The following RGS6 variants were observed in gnomAD, a reference collection of about 807,000 sequenced individuals.
RGS6 encodes regulator of G-protein signaling 6.
Under a neutral mutation model 78.5 loss-of-function variants are expected in RGS6, and 30 were observed. The ratio of observed to expected loss-of-function variants is 0.38; its 90% CI spans 0.29 to 0.52. The LOEUF is 0.52. Ranked by LOEUF, RGS6 falls within the 20% of genes least tolerant of loss-of-function variation. RGS6 has a pLI of 0.85. For missense variants in RGS6, 495 were observed against 609.7 expected, an observed-to-expected ratio of 0.81 and a Z score of 1.98; for synonymous variants, 206 against 206.0, an observed-to-expected ratio of 1.00 and a Z score of 0.00.
At chr14:72,033,368 G>A (rs1393176693) in intron 2 of RGS6, among the ~76,000 whole-genome samples, 1 of 151,980 alleles carries the variant, frequency 6.6e-6, no homozygotes, top group African/African-American at 2.4e-5. Flanking sequence ...CGAGTAGCTG[G>A]GACTACAGGC....
intron 2 of RGS6, among the ~76,000 whole-genome samples, chr14:72,071,727 CAG>C (rs1165196388): frequency 1.3e-5 from 2 of 152,118 alleles, no homozygotes; most frequent in African/African-American, 4.8e-5. Context: ...CTAGTAGACT[CAG>C]AATAGAAATT....
intron 2 of RGS6, among the ~76,000 whole-genome samples, chr14:72,228,727 T>A (rs1298081491): frequency 6.6e-6 from 1 of 152,034 alleles, no homozygotes; most frequent in East Asian, 1.9e-4. Context: ...GTGGGGAGAC[T>A]AGAAAGACAA....
chr14:71,892,257 G>A, the RGS6 span, among the ~76,000 whole-genome samples: 2 of 152,200 alleles, frequency 1.3e-5, no homozygotes, highest in Non-Finnish European at 1.5e-5. Flanking sequence ...GTGGCTCACC[G>A]CCTGAGAAAT....
chr14:72,142,220 G>A (rs1377138882), intron 2 of RGS6, among the ~76,000 whole-genome samples: 1 of 151,974 alleles, frequency 6.6e-6, no homozygotes, highest in Non-Finnish European at 1.5e-5. Flanking sequence ...GGATAGCACT[G>A]TAATTAATGG....
chr14:72,033,037 G>A (rs11626213), intron 2 of RGS6, among the ~76,000 whole-genome samples: 19,791 of 152,046 alleles, frequency 0.13, 1,343 homozygotes, highest in East Asian at 0.17. Context: ...GTGAAAATGC[G>A]TTCAATACAA....
intron 10 of RGS6, among the ~76,000 whole-genome samples, chr14:72,475,198 G>GT (rs1300877940): frequency 9.1e-5 from 11 of 120,260 alleles, no homozygotes; most frequent in African/African-American, 3.2e-4. Flanking sequence ...TCTTTTTTAT[G>GT]GTTTTTTTTT....
chr14:72,078,125 T>C (rs1486001691), intron 2 of RGS6, among the ~76,000 whole-genome samples: 15 of 152,180 alleles, frequency 9.9e-5, no homozygotes, highest in Non-Finnish European at 2.9e-5. Flanking sequence ...AGGCTTCTTA[T>C]GAATGGCTTA....
chr14:72,303,210 C>T (rs998098320), intron 2 of RGS6, among the ~76,000 whole-genome samples: 1 of 152,100 alleles, frequency 6.6e-6, no homozygotes, highest in African/African-American at 2.4e-5. Context: ...CTAAAAATAC[C>T]AACTTCCAGG....
At chr14:72,082,767 A>G (rs1377590207) in intron 2 of RGS6, among the ~76,000 whole-genome samples, 1 of 152,208 alleles carries the variant, frequency 6.6e-6, no homozygotes. Flanking sequence ...GGAAATAAGC[A>G]TATTTCACAG....
intron 2 of RGS6, among the ~76,000 whole-genome samples, chr14:72,327,385 T>TA (rs2074039270): frequency 6.6e-6 from 1 of 152,176 alleles, no homozygotes; most frequent in African/African-American, 2.4e-5. Context: ...TGTAATTGCT[T>TA]AGTAAATGCC....
At chr14:72,278,827 T>C (rs959256278) in intron 2 of RGS6, among the ~76,000 whole-genome samples, 6 of 152,074 alleles carry the variant, frequency 3.9e-5, no homozygotes, top group Middle Eastern at 3.2e-3. Context: ...AACACACATT[T>C]ATTCTCTCAT....
chr14:72,078,158 C>T (rs1355452968), intron 2 of RGS6, among the ~76,000 whole-genome samples: 1 of 152,142 alleles, frequency 6.6e-6, no homozygotes, highest in African/African-American at 2.4e-5. Flanking sequence ...TTGTGCTGTT[C>T]TTATGATAGT....
chr14:72,043,090 T>G (rs1006528982), intron 2 of RGS6, among the ~76,000 whole-genome samples: 3 of 141,652 alleles, frequency 2.1e-5, no homozygotes, highest in African/African-American at 5.3e-5. Context: ...TTTTCTTTAT[T>G]GTGATATTGG....
the RGS6 span, among the ~76,000 whole-genome samples, chr14:71,907,091 T>C: frequency 1.3e-5 from 2 of 152,226 alleles, no homozygotes; most frequent in African/African-American, 2.4e-5. Flanking sequence ...ACATCCCATA[T>C]GTGCCAGACA....
chr14:72,602,258 C>T, the RGS6 span, among the ~76,000 whole-genome samples: 3 of 152,242 alleles, frequency 2.0e-5, no homozygotes, highest in South Asian at 6.2e-4. Context: ...AACTTGTTAA[C>T]CTTTTATTCT....
chr14:71,993,239 T>C (rs2095044261), intron 2 of RGS6, among the ~76,000 whole-genome samples: 1 of 152,218 alleles, frequency 6.6e-6, no homozygotes, highest in Admixed American at 6.5e-5. Flanking sequence ...TGTTCTTTAA[T>C]TGGAACCATT....
At chr14:72,308,304 G>C (rs2067724156) in intron 2 of RGS6, among the ~76,000 whole-genome samples, 1 of 152,150 alleles carries the variant, frequency 6.6e-6, no homozygotes, top group African/African-American at 2.4e-5. Context: ...TAGGCACCAG[G>C]ATGTAGCAAA....
intron 17 of RGS6, among the ~76,000 whole-genome samples, chr14:72,552,346 C>T (rs115087925): frequency 6.6e-6 from 1 of 152,296 alleles, no homozygotes; most frequent in African/African-American, 2.4e-5. Context: ...AAGCACTTCC[C>T]GGGAAGCTGT....
At chr14:71,904,563 T>C in the RGS6 span, among the ~76,000 whole-genome samples, 1 of 152,358 alleles carries the variant, frequency 6.6e-6, no homozygotes, top group South Asian at 2.1e-4. Context: ...GTTTAAATGA[T>C]GTTGTTTGGG....
Sources: gnomAD v4.1 joint callset for allele counts (sites outside exome capture counted in the v4.1 genomes callset) on GRCh38, gnomAD v4.1.1 for gene constraint, MANE v1.5 for transcripts, NCBI Gene and HGNC (gene_info 2026-07-23, HGNC 2026-07-21) for gene names.